The following PSD3 variants were observed in gnomAD, a reference collection of about 807,000 sequenced individuals.
The protein encoded by PSD3 is PH and SEC7 domain-containing protein 3.
A neutral mutation model predicts 105.5 loss-of-function variants in PSD3; 49 were observed. The ratio of observed to expected loss-of-function variants is 0.46; its 90% CI spans 0.37 to 0.59. The LOEUF (loss-of-function observed/expected upper bound fraction) is 0.59. Among genes scored for constraint, PSD3 ranks in the 20% least tolerant of loss-of-function variants. The pLI is 0.00. For synonymous variants in PSD3, 557 were observed against 457.8 expected, an observed-to-expected ratio of 1.22 and a Z score of -2.77; for missense variants, 1,561 against 1,263.8, an observed-to-expected ratio of 1.24 and a Z score of -3.57.
chr8:18,817,270 CAT>C (rs1329330187), intron 4 of PSD3, among the ~76,000 whole-genome samples: 7 of 152,210 alleles, frequency 4.6e-5, no homozygotes, highest in South Asian at 2.1e-4. Context: ...ACTTTAGACA[CAT>C]GTTAGCTTCC....
At chr8:18,571,127 C>T (rs1802110150) in intron 14 of PSD3, among the ~76,000 whole-genome samples, 1 of 152,088 alleles carries the variant, frequency 6.6e-6, no homozygotes, top group African/African-American at 2.4e-5. Flanking sequence ...TCCAAAAGTG[C>T]TGGGATTACA....
chr8:18,699,767 G>A (rs1042905062), intron 9 of PSD3, among the ~76,000 whole-genome samples: 1 of 151,956 alleles, frequency 6.6e-6, no homozygotes, highest in Non-Finnish European at 1.5e-5. Flanking sequence ...GTCACACTGG[G>A]AGAATGAGCA....
At chr8:18,986,946 C>T (rs117042507) in intron 1 of PSD3, among the ~76,000 whole-genome samples, 1,797 of 152,204 alleles carry the variant, frequency 0.012, 10 homozygotes, top group Non-Finnish European at 0.016. Context: ...ATTAATGGAA[C>T]GCTAAGCTTG....
chr8:18,728,155 C>G (rs761637156), intron 9 of PSD3, among the ~76,000 whole-genome samples: 10 of 152,120 alleles, frequency 6.6e-5, no homozygotes, highest in Non-Finnish European at 1.2e-4. Context: ...GTCCCACTTT[C>G]ACTCATCACT....
At chr8:18,696,943 T>C (rs1677047298) in intron 9 of PSD3, among the ~76,000 whole-genome samples, 1 of 152,126 alleles carries the variant, frequency 6.6e-6, no homozygotes. Context: ...TCCAAAATGT[T>C]ACCATTTCAG....
At chr8:18,816,486 T>A (rs1349020682) in intron 4 of PSD3, among the ~76,000 whole-genome samples, 2 of 152,128 alleles carry the variant, frequency 1.3e-5, no homozygotes, top group Non-Finnish European at 1.5e-5. Flanking sequence ...CACGCATAAC[T>A]TTGGTGTATA....
intron 14 of PSD3, among the ~76,000 whole-genome samples, chr8:18,571,114 G>A (rs1295804750): frequency 6.6e-6 from 1 of 151,998 alleles, no homozygotes; most frequent in African/African-American, 2.4e-5. Flanking sequence ...GCCCACCTCG[G>A]CTTCCAAAAG....
chr8:18,668,460 T>A (rs1396687996), intron 9 of PSD3, among the ~76,000 whole-genome samples: 1 of 152,350 alleles, frequency 6.6e-6, no homozygotes, highest in African/African-American at 2.4e-5. Context: ...GCTAAGAGCC[T>A]GACTTTCACT....
At chr8:18,752,173 C>T (rs907656488) in intron 9 of PSD3, among the ~76,000 whole-genome samples, 9 of 151,846 alleles carry the variant, frequency 5.9e-5, no homozygotes, top group African/African-American at 2.2e-4. Flanking sequence ...TAGCTCCTCT[C>T]TCTCAAAAAA....
chr8:18,978,070 T>C (rs529160831), intron 1 of PSD3, among the ~76,000 whole-genome samples: 15 of 152,298 alleles, frequency 9.8e-5, no homozygotes, highest in African/African-American at 2.9e-4. Flanking sequence ...CCATTCTCCA[T>C]TGGGCCAGGC....
intron 1 of PSD3, among the ~76,000 whole-genome samples, chr8:18,970,154 T>C (rs1167815695): frequency 6.6e-6 from 1 of 150,874 alleles, no homozygotes; most frequent in Non-Finnish European, 1.5e-5. Context: ...TGAAACCCCA[T>C]CTCTACTAAA....
intron 9 of PSD3, among the ~76,000 whole-genome samples, chr8:18,695,835 C>T (rs7841184): frequency 0.84 from 127,931 of 152,152 alleles, 54,759 homozygotes; most frequent in Non-Finnish European, 0.94. Flanking sequence ...AAAATGTTGT[C>T]TGTAACAAGA....
At chr8:18,874,254 C>T (rs140182567) in intron 2 of PSD3, among the ~76,000 whole-genome samples, 342 of 151,998 alleles carry the variant, frequency 2.3e-3, no homozygotes, top group African/African-American at 7.7e-3. Flanking sequence ...CTCTACCTCC[C>T]GGGTTCAAGT....
At chr8:18,647,992 C>T (rs182097051) in intron 10 of PSD3, among the ~76,000 whole-genome samples, 251 of 152,292 alleles carry the variant, frequency 1.6e-3, no homozygotes, top group Non-Finnish European at 2.2e-3. Context: ...GCCAGCACCA[C>T]GCTTCCTGTG....
At chr8:19,078,981 T>G (rs1464681085) in intron 1 of PSD3, among the ~76,000 whole-genome samples, 1 of 151,918 alleles carries the variant, frequency 6.6e-6, no homozygotes, top group Non-Finnish European at 1.5e-5. Flanking sequence ...CCAATTGCTT[T>G]TCAACATGTT....
chr8:19,008,749 A>C (rs750184551), intron 1 of PSD3, among the ~76,000 whole-genome samples: 1 of 152,202 alleles, frequency 6.6e-6, no homozygotes, highest in Non-Finnish European at 1.5e-5. Flanking sequence ...CTCGATTTCT[A>C]TAATTCACTT....
chr8:18,643,908 C>T (rs1038208013), intron 10 of PSD3, among the ~76,000 whole-genome samples: 1 of 152,208 alleles, frequency 6.6e-6, no homozygotes, highest in Non-Finnish European at 1.5e-5. Flanking sequence ...GCTTGTATTT[C>T]CTAGAACAGT....
Position 18,677,506 on chromosome 8 carries a change from T to C in PSD3, c.2173-21821A>G, listed in dbSNP as rs570745876. On this transcript the variant is annotated intron_variant, in intron 9 of 15. Transcript: ENST00000327040. ...GTTACAGTGAGCCCAGGTCAGGCCA[T>C]TGCACTCTGGCCTAGAAGACAGAGC... is the stretch of plus-strand genomic sequence containing the variant. Among the ~76,000 whole-genome samples the C allele has an allele frequency of 3.3e-5, 5 of 152,278 alleles. No homozygotes were observed. The South Asian group carries it at 8.3e-4, about 25-fold the overall frequency.
chr8:19,070,986 G>C (rs1829237051), intron 1 of PSD3, among the ~76,000 whole-genome samples: 1 of 151,884 alleles, frequency 6.6e-6, no homozygotes, highest in African/African-American at 2.4e-5. Context: ...GAGTTCTTGA[G>C]TGTCAGGATA....
Sources: gnomAD v4.1 joint callset for allele counts (sites outside exome capture counted in the v4.1 genomes callset) on GRCh38, gnomAD v4.1.1 for gene constraint, MANE v1.5 for transcripts, NCBI Gene and HGNC (gene_info 2026-07-23, HGNC 2026-07-21) for gene names.